CELF4: variants seen among roughly 807,000 people sequenced by gnomAD.
CELF4 encodes CUG-BP- and ETR-3-like factor 4.
Under a neutral mutation model 59.9 loss-of-function variants are expected in CELF4, and 18 were observed. The ratio of observed to expected loss-of-function variants is 0.30; its 90% CI spans 0.21 to 0.45. The LOEUF (loss-of-function observed/expected upper bound fraction) is 0.45, where lower values mean the gene tolerates loss of function less well. Ranked by LOEUF, CELF4 falls within the 20% of genes least tolerant of loss-of-function variation. The pLI is 1.00. For synonymous variants in CELF4, 261 were observed against 267.1 expected (o/e 0.98, Z 0.22); for missense variants, 456 against 689.0 (o/e 0.66, Z 3.79).
intron 2 of CELF4, among the ~76,000 whole-genome samples, chr18:37,378,651 A>C (rs769012055): frequency 3.2e-4 from 49 of 152,364 alleles, no homozygotes; most frequent in Middle Eastern, 3.4e-3. Flanking sequence ...TTAAAGGGAA[A>C]GAGCACTTGG....
intron 2 of CELF4, among the ~76,000 whole-genome samples, chr18:37,338,464 T>A (rs2097859092): frequency 6.6e-6 from 1 of 152,116 alleles, no homozygotes; most frequent in Non-Finnish European, 1.5e-5. Flanking sequence ...ACCACCATCA[T>A]ATAACCAGTA....
In CELF4 at chr18:37,495,033, CA is replaced by C. The variant is rs940916759; in HGVS notation, c.287-9427del. On this transcript the variant is annotated intron_variant, in intron 1 of 12. Transcript: ENST00000420428. ...TCCTCTGCAGAGGTCTCTAGCTGAG[CA>C]TCAAGGGTGGATTTCAAATGCATTT... 1.3e-3 allele frequency among the ~76,000 whole-genome samples: 205 copies of C among 152,346 alleles called. 1 individual carries two copies. The highest frequency in any genetic ancestry group is 4.5e-3 in the African/African-American group (188 of 41,586).
chr18:37,454,920 G>A (rs1226032174), intron 2 of CELF4, among the ~76,000 whole-genome samples: 3 of 152,158 alleles, frequency 2.0e-5, no homozygotes, highest in African/African-American at 7.2e-5. Flanking sequence ...TCTCTGTGAC[G>A]TGTCTCCAGC....
Position 37,254,122 on chromosome 18 carries a change from G to C in CELF4, c.1334-184C>G, listed in dbSNP as rs891863369. ...CGCGCGCGCGTGCTAGGCCCCTCCG[G>C]GGGCAGGCGCTGGCGGGGACCCGGC... On this transcript the variant is annotated intron_variant, in intron 11 of 12. Coordinates refer to ENST00000420428, the MANE Select transcript of CELF4 (RefSeq NM_020180.4). The surrounding 1 kb of genome is among the most constrained non-coding windows in gnomAD (Gnocchi z 5.1). 4.3e-5 allele frequency: 11 copies of C among 258,240 alleles called. No individual in the cohort carries two copies. The Admixed American group carries it at 4.5e-4, about 11-fold the overall frequency. The allele number at this position is 258,240 out of a possible 1,614,324, so 16.0% of individuals were successfully genotyped here.
At chr18:37,529,203 GATGAGATCATAC>G (rs1215643782) in intron 1 of CELF4, 1 of 152,176 alleles carries the variant, frequency 6.6e-6, no homozygotes, top group Non-Finnish European at 1.5e-5. Flanking sequence ...GGGAGAAATA[GATGAGATCATAC>G]ATGTATCTGG....
At position 37,274,815 on chromosome 18, in the gene CELF4, T is replaced by A. The variant is rs2092754994; in HGVS notation, c.647A>T (p.Gln216Leu). The A allele has an allele frequency of 6.2e-7, 1 of 1,602,098 alleles. No individual in the cohort carries two copies. Among genetic ancestry groups the A allele is most frequent in the Non-Finnish European group, 8.5e-7 (1 of 1,175,860 alleles). The change falls in exon 5 of 13, where the codon CAG becomes CTG. Residue 216 changes from glutamine to leucine, a missense_variant. Around this residue, in one of 7 missense-constraint regions of CELF4, gnomAD observed 56 missense variants for 92.0 expected, o/e 0.61. Transcript: ENST00000420428. ...QAAINALHGS[Q>L]TMPGASSSLV... The stretch of plus-strand genomic sequence containing the variant: ...GGGGCCAGCACTCACCGGCATGGTC[T>A]GGCTGCCGTGTAGCGCGTTGATGGC...
chr18:37,533,220 T>G (rs1164033597), intron 1 of CELF4, among the ~76,000 whole-genome samples: 1 of 152,238 alleles, frequency 6.6e-6, no homozygotes, highest in African/African-American at 2.4e-5. Context: ...CCTGTCTTGG[T>G]TCACAGACAT....
At chr18:37,506,273 T>G (rs16968988) in intron 1 of CELF4, among the ~76,000 whole-genome samples, 3,247 of 152,164 alleles carry the variant, frequency 0.021, 132 homozygotes, top group African/African-American at 0.075. Flanking sequence ...CAAAAATAAT[T>G]TAGGAAACAA....
rs750215559 is a variant in CELF4, at chr18:37,275,239, A to G, written c.453T>C (p.Asp151=). The G allele has an allele frequency of 6.2e-6, 10 of 1,613,172 alleles. No homozygotes were observed. Among genetic ancestry groups the G allele is most frequent in the Non-Finnish European group, 6.8e-6 (8 of 1,179,758 alleles). Residue 151 remains aspartate (D), a synonymous_variant, in exon 4 of 13, where the codon GAT becomes GAC. Transcript: ENST00000420428. ...SSCLRQPPSQ[D]RKLFVGMLNK... Reference sequence around the variant, plus strand: ...TGAGCATGCCCACGAAGAGTTTTCTATCTTCTAGAACAAAATTAGGAGATG... The same window carrying G: ...TGAGCATGCCCACGAAGAGTTTTCTGTCTTCTAGAACAAAATTAGGAGATG...
intron 2 of CELF4, among the ~76,000 whole-genome samples, chr18:37,462,945 A>G (rs1298679562): frequency 6.6e-6 from 1 of 152,158 alleles, no homozygotes; most frequent in Admixed American, 6.5e-5. Flanking sequence ...TGCAAGGTGT[A>G]CCATGTGTAA....
At chr18:37,291,311 C>T (rs1020304) in intron 3 of CELF4, among the ~76,000 whole-genome samples, 1,828 of 152,320 alleles carry the variant, frequency 0.012, 41 homozygotes, top group African/African-American at 0.042. Flanking sequence ...TGCCTCACAA[C>T]ACAAGCTCAG....
Position 37,533,959 on chromosome 18 carries a change from T to C in CELF4, c.286+31397A>G, listed in dbSNP as rs373223908. Among the ~76,000 whole-genome samples, 414 of 152,206 alleles carry C rather than the reference T, an allele frequency of 2.7e-3. 7 individuals carry two copies. The highest frequency in any genetic ancestry group is 8.7e-4 in the Non-Finnish European group (59 of 68,006). On this transcript the variant is annotated intron_variant, in intron 1 of 12. Transcript: ENST00000420428. ...TTGGATCCTGGCTCCTTGTGGTGTA[T>C]GGTGGAGTTATTCCAGAGCCTTGAA... is the stretch of plus-strand genomic sequence containing the variant.
chr18:37,444,652 A>ACACACACACACACG lies in CELF4; in HGVS notation c.369+40872_369+40873insCGTGTGTGTGTGTG, dbSNP rs71168259. 1.7e-3 allele frequency among the ~76,000 whole-genome samples: 245 copies of ACACACACACACACG among 144,134 alleles called. 1 individual carries two copies. Among genetic ancestry groups the ACACACACACACACG allele is most frequent in the African/African-American group, 6.0e-3 (232 of 38,576 alleles). 94.6% of individuals were successfully genotyped at this position (144,134 alleles called of 152,430 possible). A position where few individuals can be genotyped will look rare whatever the true frequency, so the allele number is the denominator to read the frequency against. The stretch of plus-strand genomic sequence containing the variant: ...CACACACACACACACACACACACAC[A>ACACACACACACACG]CGCGAACGATGCAGTTTCAGAGGAG... On this transcript the variant is annotated intron_variant, in intron 2 of 12. Transcript: ENST00000420428.
intron 2 of CELF4, among the ~76,000 whole-genome samples, chr18:37,421,033 A>C (rs2099574695): frequency 6.6e-6 from 1 of 150,786 alleles, no homozygotes; most frequent in African/African-American, 2.4e-5. Context: ...TTCCTTTCCA[A>C]CTCCTTGACT....
At chr18:37,328,551 A>G (rs1035916319) in intron 2 of CELF4, among the ~76,000 whole-genome samples, 5 of 152,178 alleles carry the variant, frequency 3.3e-5, no homozygotes, top group African/African-American at 1.2e-4. Flanking sequence ...ACAGATTCAT[A>G]TCTTCCCCAA....
chr18:37,385,511 G>A (rs1284966277), intron 2 of CELF4, among the ~76,000 whole-genome samples: 3 of 152,124 alleles, frequency 2.0e-5, no homozygotes, highest in Non-Finnish European at 2.9e-5. Flanking sequence ...CATGCCACCT[G>A]GTTAATCAAT....
intron 2 of CELF4, among the ~76,000 whole-genome samples, chr18:37,398,073 T>G (rs759229346): frequency 6.6e-6 from 1 of 152,060 alleles, no homozygotes; most frequent in Non-Finnish European, 1.5e-5. Flanking sequence ...CCTGAGCCCA[T>G]CCGGAATGTG....
chr18:37,356,459 G>A (rs2098577403), intron 2 of CELF4, among the ~76,000 whole-genome samples: 1 of 152,150 alleles, frequency 6.6e-6, no homozygotes, highest in Non-Finnish European at 1.5e-5. Context: ...GAGGTGCTGG[G>A]AAGGTCAAAG....
At chr18:37,550,235 G>A (rs2099982762) in intron 1 of CELF4, among the ~76,000 whole-genome samples, 1 of 152,144 alleles carries the variant, frequency 6.6e-6, no homozygotes, top group Non-Finnish European at 1.5e-5. Context: ...GGAGCTATAG[G>A]GCTTGCAGTG....
Sources: allele counts gnomAD v4.1 joint callset (sites outside exome capture counted in the v4.1 genomes callset), GRCh38; gene constraint gnomAD v4.1.1; regional missense constraint gnomAD v4.1.1; non-coding constraint Gnocchi (gnomAD v3.1); transcripts MANE v1.5; gene names NCBI Gene and HGNC (gene_info 2026-07-23, HGNC 2026-07-21).